HAS2: variants seen among roughly 807,000 people sequenced by gnomAD.
HAS2 encodes the protein HA synthase 2.
HAS2 carries 16 observed loss-of-function variants against 51.6 expected under a neutral mutation model. The ratio of observed to expected loss-of-function variants is 0.31; its 90% CI spans 0.21 to 0.47. HAS2 has a LOEUF of 0.47. Ranked by LOEUF, HAS2 falls within the 20% of genes least tolerant of loss-of-function variation. The pLI, the probability that HAS2 is intolerant of heterozygous loss-of-function variation, is 1.00. For synonymous variants in HAS2, 228 were observed against 235.5 expected (o/e 0.97, Z 0.29); for missense variants, 361 against 662.6 (o/e 0.54, Z 5.00).
chr8:121,614,768 A>C lies in HAS2; in HGVS notation c.1000T>G (p.Ser334Ala), dbSNP rs745749605. ...LGYATKYTAR[S>A]KCLTETPIEY... ...ATAGGTGTTTCAGTAAGGCACTTAG[A>C]TCGAGCTGTGTATTTTGTTGCATAG... The change falls in exon 4 of 4, where the codon TCT becomes GCT. Residue 334 changes from serine (S) to alanine (A), a missense_variant. Transcript: ENST00000303924. The surrounding 1 kb of genome is among the most constrained non-coding windows in gnomAD (Gnocchi z 7.2). 267 of 1,614,106 alleles carry C rather than the reference A, an allele frequency of 1.7e-4. No homozygotes were observed. The highest frequency in any genetic ancestry group is 2.2e-4 in the Non-Finnish European group (259 of 1,180,052).
chr8:121,620,402 G>A (rs564781278), intron 2 of HAS2, among the ~76,000 whole-genome samples: 18 of 152,322 alleles, frequency 1.2e-4, no homozygotes, highest in Admixed American at 5.9e-4. Context: ...ATCTGTGGGA[G>A]ACATGCCCCA....
intron 1 of HAS2, among the ~76,000 whole-genome samples, chr8:121,640,607 C>T (rs1474603102): frequency 6.6e-6 from 1 of 151,986 alleles, no homozygotes; most frequent in Middle Eastern, 3.2e-3. Flanking sequence ...GAGAGGCTAC[C>T]TGTGTCCCCA....
At chr8:121,622,996 G>A (rs556422643) in intron 2 of HAS2, among the ~76,000 whole-genome samples, 4 of 151,504 alleles carry the variant, frequency 2.6e-5, no homozygotes, top group East Asian at 1.9e-4. Context: ...TTTCTTTTGC[G>A]AAAGGAACGG....
At chr8:121,628,607 TA>T in intron 2 of HAS2, 106 bp downstream of exon 2, 1 of 961,204 alleles carries the variant, frequency 1.0e-6, no homozygotes, top group African/African-American at 1.6e-5. Context: ...CTGAAAGAAG[TA>T]CTGTGTTCAG....
chr8:121,623,609 T>A, intron 2 of HAS2, among the ~76,000 whole-genome samples: 1 of 152,206 alleles, frequency 6.6e-6, no homozygotes, highest in Non-Finnish European at 1.5e-5. Flanking sequence ...TTGCTAGATA[T>A]AATTAAGATG....
rs564057708 is a variant in HAS2 at position 121,625,867 on chromosome 8, T to A, written c.627+2847A>T. ...TTATTTTTTCCCTTCCTCTGTTTTC[T>A]ATCTTCTTTATCTCTGAAAGTACCC... On this transcript the variant is annotated intron_variant, in intron 2 of 3. Coordinates refer to ENST00000303924, the MANE Select transcript of HAS2 (RefSeq NM_005328.3). 5.4e-4 allele frequency among the ~76,000 whole-genome samples: 82 copies of A among 152,224 alleles called. 1 individual carries two copies. Among genetic ancestry groups the A allele is most frequent in the Non-Finnish European group, 4.4e-4 (30 of 68,024 alleles).
intron 2 of HAS2, among the ~76,000 whole-genome samples, chr8:121,628,051 T>A (rs1812877243): frequency 6.6e-6 from 1 of 152,160 alleles, no homozygotes; most frequent in African/African-American, 2.4e-5. Context: ...CCTGTCTAAT[T>A]TTCATGCAGG....
At chr8:121,629,829 G>A (rs1300011324) in intron 1 of HAS2, among the ~76,000 whole-genome samples, 2 of 152,068 alleles carry the variant, frequency 1.3e-5, no homozygotes, top group African/African-American at 4.8e-5. Context: ...CCTCCAATGT[G>A]TATTCTTCAA....
Position 121,637,431 on chromosome 8 carries a change from C to T in HAS2, c.-1+3422G>A, listed in dbSNP as rs139328897. ...TTTGAGATAGAGCCTCACTCTGTCA[C>T]CCAGGCTGGAGTGGAGTGGTGAGAT... On this transcript the variant is annotated intron_variant, in intron 1 of 3. Transcript: ENST00000303924. Among the ~76,000 whole-genome samples, 286 of 139,516 alleles carry T rather than the reference C, an allele frequency of 2.0e-3. 2 individuals carry two copies. The highest frequency in any genetic ancestry group is 7.4e-3 in the African/African-American group (266 of 36,026). 91.5% of individuals were successfully genotyped at this position (139,516 alleles called of 152,430 possible).
chr8:121,615,670 CTT>C (rs1812691233), intron 3 of HAS2, among the ~76,000 whole-genome samples: 1 of 151,878 alleles, frequency 6.6e-6, no homozygotes, highest in Admixed American at 6.6e-5. Flanking sequence ...TCCCTAAACT[CTT>C]TTCCCAGGCA....
At chr8:121,615,361 G>T (rs1173818260) in intron 3 of HAS2, among the ~76,000 whole-genome samples, 1 of 152,032 alleles carries the variant, frequency 6.6e-6, no homozygotes, top group Non-Finnish European at 1.5e-5. Flanking sequence ...TTTAGAGATG[G>T]AGTCTCGCTC....
chr8:121,636,383 C>G (rs1462461611), intron 1 of HAS2, among the ~76,000 whole-genome samples: 2 of 152,110 alleles, frequency 1.3e-5, no homozygotes, highest in East Asian at 3.9e-4. Flanking sequence ...CCGACTCCCC[C>G]TCCCAACCTC....
At chr8:121,618,766 C>T (rs73708100) in intron 2 of HAS2, among the ~76,000 whole-genome samples, 5,224 of 152,244 alleles carry the variant, frequency 0.034, 331 homozygotes, top group African/African-American at 0.12. Context: ...TATTTATTAT[C>T]TGCTATTCCC....
In HAS2 at chr8:121,613,980, A is replaced by AT; in HGVS notation, c.*128dup. Reference sequence around the variant, plus strand: ...GCAGAATGAAAATAAACCCATATAAATGTCTTTGTTCAAGTCCCAGCAGCA... The same window carrying AT: ...GCAGAATGAAAATAAACCCATATAAATTGTCTTTGTTCAAGTCCCAGCAGCA... On this transcript the variant is annotated 3_prime_UTR_variant, in exon 4 of 4. Transcript: ENST00000303924. 1.4e-6 allele frequency: 2 copies of AT among 1,387,452 alleles called. No individual in the cohort carries two copies. Among genetic ancestry groups the AT allele is most frequent in the Non-Finnish European group, 2.0e-6 (2 of 999,964 alleles). 85.9% of individuals were successfully genotyped at this position (1,387,452 alleles called of 1,614,324 possible). A position where few individuals can be genotyped will look rare whatever the true frequency, so the allele number is the denominator to read the frequency against.
chr8:121,622,483 G>A (rs1417911580), intron 2 of HAS2, among the ~76,000 whole-genome samples: 1 of 152,026 alleles, frequency 6.6e-6, no homozygotes, highest in Non-Finnish European at 1.5e-5. Flanking sequence ...TAAGTTTGTT[G>A]TAATTAACTA....
rs1429067375 is a variant in HAS2 at position 121,639,010 on chromosome 8, AAT to A, written c.-1+1841_-1+1842del. ...CCTTTTTAAAATAACCTTTTTTAAA[AAT>A]AATAACCTGGTTTAATACCGCCAGA... On this transcript the variant is annotated intron_variant, in intron 1 of 3. Transcript: ENST00000303924. Among the ~76,000 whole-genome samples the A allele has an allele frequency of 1.9e-3, 293 of 152,320 alleles. 2 individuals are homozygous for A. The highest frequency in any genetic ancestry group is 0.014 in the Middle Eastern group (4 of 294).
rs559054694 is a variant in HAS2 at position 121,629,406 on chromosome 8, A to G, written c.1-66T>C. 1.4e-4 allele frequency: 179 copies of G among 1,248,964 alleles called. No individual in the cohort carries two copies. In the Middle Eastern group the frequency reaches 1.8e-3, roughly 13 times the overall value. The allele number at this position is 1,248,964 out of a possible 1,614,324, so 77.4% of individuals were successfully genotyped here. On this transcript the variant is annotated intron_variant, in intron 1 of 3. Transcript: ENST00000303924. ...GTCCCACACTTGTTATATACCTAGTATCATGGGGAGAGTATTGGACTAGAA... is the reference window on the plus strand; with the variant it reads ...GTCCCACACTTGTTATATACCTAGTGTCATGGGGAGAGTATTGGACTAGAA...
intron 2 of HAS2, 47 bp from the exon 3 acceptor site, chr8:121,617,253 T>C (rs767336945): frequency 2.7e-5 from 31 of 1,135,462 alleles, no homozygotes; most frequent in Admixed American, 1.1e-4. Context: ...GGAAGAACTA[T>C]AAATACATTC....
At chr8:121,635,908 G>C (rs1469160811) in intron 1 of HAS2, among the ~76,000 whole-genome samples, 2 of 152,212 alleles carry the variant, frequency 1.3e-5, no homozygotes, top group African/African-American at 4.8e-5. Context: ...TATCTAGGCT[G>C]GTGACACTAG....
Sources: gnomAD v4.1 joint callset for allele counts (sites outside exome capture counted in the v4.1 genomes callset) on GRCh38, gnomAD v4.1.1 for gene constraint, Gnocchi (gnomAD v3.1) non-coding constraint, MANE v1.5 for transcripts, NCBI Gene and HGNC (gene_info 2026-07-23, HGNC 2026-07-21) for gene names.